ARG2: variants seen among roughly 807,000 people sequenced by gnomAD.
ARG2 encodes the protein arginase-2, mitochondrial.
A neutral mutation model predicts 39.4 loss-of-function variants in ARG2; 21 were observed. That is an observed-to-expected ratio of 0.53 (90% CI 0.38 to 0.77). The LOEUF (loss-of-function observed/expected upper bound fraction) is 0.77. Among genes scored for constraint, ARG2 ranks in the 30% least tolerant of loss-of-function variants. ARG2 has a pLI of 0.00. For missense variants in ARG2, 378 were observed against 426.2 expected, an observed-to-expected ratio of 0.89 and a Z score of 1.00; for synonymous variants, 150 against 156.7, an observed-to-expected ratio of 0.96 and a Z score of 0.32.
chr14:67,629,160 C>T (rs1317488720), intron 2 of ARG2, among the ~76,000 whole-genome samples: 1 of 152,074 alleles, frequency 6.6e-6, no homozygotes, highest in Admixed American at 6.6e-5. Flanking sequence ...TTAGCGAGTC[C>T]CAATCTCCAC....
At chr14:67,634,527 G>A in intron 2 of ARG2, among the ~76,000 whole-genome samples, 1 of 150,924 alleles carries the variant, frequency 6.6e-6, no homozygotes, top group East Asian at 1.9e-4. Context: ...CTGGGAGATG[G>A]AGGCTGCAGT....
chr14:67,647,012 C>T lies in ARG2; in HGVS notation c.709C>T (p.Leu237=), dbSNP rs750708129. Residue 237 remains leucine, a synonymous_variant, in exon 6 of 8, where the codon CTG becomes TTG. Coordinates refer to ENST00000261783, the MANE Select transcript of ARG2 (RefSeq NM_001172.4). The part of the protein sequence containing the change: ...IQKVMERTFD[L]LIGKRQRPIH... ...GAAGGTCATGGAACGAACATTTGAT[C>T]TGCTGATTGGCAAGTAAGTAACTAT... 1 of 1,609,784 alleles carries T rather than the reference C, an allele frequency of 6.2e-7. No homozygotes were observed. Among genetic ancestry groups the T allele is most frequent in the Non-Finnish European group, 8.5e-7 (1 of 1,176,404 alleles).
chr14:67,623,699 G>A (rs2036835599), intron 2 of ARG2, among the ~76,000 whole-genome samples: 5 of 151,856 alleles, frequency 3.3e-5, no homozygotes, highest in Admixed American at 2.0e-4. Flanking sequence ...CTGCCACTGC[G>A]CCTGACTAAT....
chr14:67,648,115 G>A lies in ARG2; in HGVS notation c.791G>A (p.Gly264Glu), dbSNP rs1207196762. ...AFDPTLAPAT[G>E]TPVVGGLTYR... ...GACCCTACACTGGCTCCAGCCACAG[G>A]AACTCCTGTTGTCGGGGGACTAACC... The change falls in exon 7 of 8, where the codon GGA (glycine) becomes GAA (glutamate). Residue 264 changes from glycine to glutamate, a missense_variant. Physicochemically the swap from Gly to Glu is moderately conservative, Grantham distance 98. Transcript: ENST00000261783. The A allele has an allele frequency of 6.2e-7, 1 of 1,613,892 alleles. No homozygotes were observed. The highest frequency in any genetic ancestry group is 2.2e-5 in the East Asian group (1 of 44,886).
intron 7 of ARG2, 36 bp from the exon 8 acceptor site, chr14:67,650,679 G>A: frequency 6.3e-7 from 1 of 1,599,734 alleles, no homozygotes; most frequent in Admixed American, 1.7e-5. Flanking sequence ...GTAGCAGCAA[G>A]GGAACCTGAG....
At position 67,620,096 on chromosome 14, in the gene ARG2, C is replaced by T; in HGVS notation, c.111+8C>T. 2 of 1,581,724 alleles carry T rather than the reference C, an allele frequency of 1.3e-6. No homozygotes were observed. Among genetic ancestry groups the T allele is most frequent in the Non-Finnish European group, 1.7e-6 (2 of 1,161,888 alleles). On this transcript the variant is annotated splice_region_variant and intron_variant, in intron 1 of 7. Transcript: ENST00000261783. The stretch of plus-strand genomic sequence containing the variant: ...CCGTTCTCACAAGGGCAGGTGAGAA[C>T]TGGCACCTGGAACCGCCGGGCAGGA...
chr14:67,646,465 C>T (rs2037099689), intron 4 of ARG2, 179 bp from the exon 5 acceptor site: 5 of 574,722 alleles, frequency 8.7e-6, no homozygotes, highest in Non-Finnish European at 1.6e-5. Context: ...AGCTGCCCTT[C>T]TGAAACATTT....
intron 2 of ARG2, among the ~76,000 whole-genome samples, chr14:67,634,594 CAAAA>C (rs5809357): frequency 1.7e-5 from 2 of 115,324 alleles, no homozygotes; most frequent in Non-Finnish European, 3.6e-5. Context: ...ACCGTGTCTC[CAAAA>C]AAAAAAAAAA....
intron 2 of ARG2, among the ~76,000 whole-genome samples, chr14:67,629,139 G>A (rs960658423): frequency 6.6e-6 from 1 of 152,138 alleles, no homozygotes; most frequent in African/African-American, 2.4e-5. Flanking sequence ...TTTGAGACCA[G>A]CCTGGGCAAC....
intron 2 of ARG2, among the ~76,000 whole-genome samples, chr14:67,633,669 C>T (rs1013706754): frequency 2.6e-5 from 4 of 152,206 alleles, no homozygotes; most frequent in African/African-American, 9.7e-5. Flanking sequence ...TTTGATTTGT[C>T]TTCCTGGCTT....
At chr14:67,630,576 A>C (rs1229498019) in intron 2 of ARG2, among the ~76,000 whole-genome samples, 1 of 152,058 alleles carries the variant, frequency 6.6e-6, no homozygotes, top group Non-Finnish European at 1.5e-5. Flanking sequence ...TATAGTTTTT[A>C]TGTTTATTTA....
intron 2 of ARG2, among the ~76,000 whole-genome samples, chr14:67,625,537 G>A (rs554195979): frequency 5.3e-5 from 8 of 151,752 alleles, no homozygotes; most frequent in East Asian, 1.9e-4. Context: ...AAAATTAGCC[G>A]GGCATGGTGG....
chr14:67,650,906 C>G lies in ARG2; in HGVS notation c.1051C>G (p.Arg351Gly). The stretch of plus-strand genomic sequence containing the variant: ...ACCAGATGAATCAGAAAATCAAGCA[C>G]GTGTGAGAATTTAGGAGACACTGTG... ...SSPDESENQA[R>G]VRI is the part of the protein sequence containing the mutation. Residue 351 changes from arginine (R) to glycine (G), a missense_variant, in exon 8 of 8, where the codon CGT becomes GGT. Transcript: ENST00000261783. 1 of 1,614,052 alleles carries G rather than the reference C, an allele frequency of 6.2e-7. No individual in the cohort carries two copies. The highest frequency in any genetic ancestry group is 8.5e-7 in the Non-Finnish European group (1 of 1,179,974).
At position 67,645,691 on chromosome 14, in the gene ARG2, T is replaced by C. The variant is rs371739738; in HGVS notation, c.411T>C (p.Leu137=). 1 of 1,613,908 alleles carries C rather than the reference T, an allele frequency of 6.2e-7. No individual in the cohort carries two copies. Among genetic ancestry groups the C allele is most frequent in the Non-Finnish European group, 8.5e-7 (1 of 1,179,950 alleles). ...GCCATGCCCGACACTGCCCAGACCT[T>C]TGTGTTGTCTGGGTTGATGCCCATG... is the stretch of plus-strand genomic sequence containing the variant. ...ISGHARHCPD[L]CVVWVDAHAD... The change falls in exon 4 of 8, where the codon CTT becomes CTC. Residue 137 remains leucine, a synonymous_variant. Coordinates refer to ENST00000261783, the MANE Select transcript of ARG2 (RefSeq NM_001172.4).
rs1486525625 is a variant in ARG2, at chr14:67,650,974, T to C, written c.*54T>C. 3.9e-6 allele frequency: 6 copies of C among 1,537,020 alleles called. No homozygotes were observed. In the African/African-American group the frequency reaches 4.1e-5, roughly 10 times the overall value. ...ACAGGCATTCCAGAATTATGAGGCA[T>C]TGAGGGGATAGATGAATACTAAATG... On this transcript the variant is annotated 3_prime_UTR_variant, in exon 8 of 8. Coordinates refer to ENST00000261783, the MANE Select transcript of ARG2 (RefSeq NM_001172.4).
chr14:67,621,316 C>T (rs1466085468), intron 2 of ARG2, among the ~76,000 whole-genome samples: 1 of 152,164 alleles, frequency 6.6e-6, no homozygotes, highest in Non-Finnish European at 1.5e-5. Flanking sequence ...TATGATTTAT[C>T]AGTCTCGCCA....
At chr14:67,626,029 A>C (rs1034189875) in intron 2 of ARG2, among the ~76,000 whole-genome samples, 1 of 152,088 alleles carries the variant, frequency 6.6e-6, no homozygotes, top group Non-Finnish European at 1.5e-5. Context: ...TGAGGCGGGC[A>C]GATCATTTCA....
At chr14:67,623,441 G>GT (rs571533954) in intron 2 of ARG2, among the ~76,000 whole-genome samples, 111 of 147,484 alleles carry the variant, frequency 7.5e-4, no homozygotes, top group African/African-American at 2.6e-3. Context: ...TAAATTTCCT[G>GT]TTTTCTCTCG....
chr14:67,628,730 G>C (rs948901720), intron 2 of ARG2, among the ~76,000 whole-genome samples: 9 of 152,192 alleles, frequency 5.9e-5, no homozygotes, highest in Non-Finnish European at 1.0e-4. Flanking sequence ...CAGAAAATAA[G>C]AAGTGTTGAT....
Sources: gnomAD v4.1 joint callset for allele counts (sites outside exome capture counted in the v4.1 genomes callset) on GRCh38, gnomAD v4.1.1 for gene constraint, MANE v1.5 for transcripts, NCBI Gene and HGNC (gene_info 2026-07-23, HGNC 2026-07-21) for gene names.